Variants in RIMS2 observed in about 807,000 individuals in gnomAD.
The protein encoded by RIMS2 is regulating synaptic membrane exocytosis protein 2.
RIMS2 carries 59 observed loss-of-function variants against 174.4 expected under a neutral mutation model. That is an observed-to-expected ratio of 0.34 (90% CI 0.27 to 0.42). The LOEUF is 0.42. Among genes scored for constraint, RIMS2 ranks in the 10% least tolerant of loss-of-function variants. The pLI, the probability that RIMS2 is intolerant of heterozygous loss-of-function variation, is 1.00. For synonymous variants in RIMS2, 606 were observed against 572.5 expected (o/e 1.06, Z -0.84); for missense variants, 1,620 against 1,666.3 (o/e 0.97, Z 0.48).
At position 104,148,647 on chromosome 8, in the gene RIMS2, T is replaced by C. The variant is rs746742620; in HGVS notation, c.3335-96269T>C. The C allele has an allele frequency of 8.1e-6, 13 of 1,598,184 alleles. No homozygotes were observed. The South Asian group carries it at 9.9e-5, about 12-fold the overall frequency. ...AATGCAAAGCAGACAAATGGGCATA[T>C]CAGGGAAGAACATGACAAAAAGCAC... On this transcript the variant is annotated intron_variant, in intron 19 of 23. Coordinates refer to ENST00000504942, the Ensembl canonical transcript of RIMS2.
chr8:104,093,190 A>T (rs2097692857), intron 19 of RIMS2, among the ~76,000 whole-genome samples: 1 of 152,076 alleles, frequency 6.6e-6, no homozygotes, highest in Admixed American at 6.6e-5. Flanking sequence ...GATCTTACCT[A>T]AATGTTCTTT....
chr8:103,906,913 A>G (rs750512961), intron 4 of RIMS2, among the ~76,000 whole-genome samples: 1 of 152,142 alleles, frequency 6.6e-6, no homozygotes, highest in African/African-American at 2.4e-5. Context: ...GGTCATCTCC[A>G]TATACTCCAG....
At position 103,894,805 on chromosome 8, in the gene RIMS2, T is replaced by C. The variant is rs1393522801; in HGVS notation, c.1624+8582T>C. 2.0e-5 allele frequency among the ~76,000 whole-genome samples: 3 copies of C among 151,626 alleles called. No homozygotes were observed. In the East Asian group the frequency reaches 5.8e-4, roughly 29 times the overall value. On this transcript the variant is annotated intron_variant, in intron 4 of 23. Coordinates refer to ENST00000504942, the Ensembl canonical transcript of RIMS2. Reference sequence around the variant, plus strand: ...TTGTTGTTACTTAAGACCTACATAATAGCTTCAATTTTGCTCTTTTGCTTC... The same window carrying C: ...TTGTTGTTACTTAAGACCTACATAACAGCTTCAATTTTGCTCTTTTGCTTC...
intron 3 of RIMS2, among the ~76,000 whole-genome samples, chr8:103,779,048 C>T (rs1243291413): frequency 6.6e-6 from 1 of 152,098 alleles, no homozygotes; most frequent in African/African-American, 2.4e-5. Flanking sequence ...ATGTTTTCCT[C>T]TGAGAAATGT....
intron 3 of RIMS2, among the ~76,000 whole-genome samples, chr8:103,859,508 C>A (rs1206459346): frequency 6.6e-6 from 1 of 152,016 alleles, no homozygotes; most frequent in African/African-American, 2.4e-5. Context: ...TCTACTTAAG[C>A]AGTAAAGTTA....
intron 12 of RIMS2, among the ~76,000 whole-genome samples, chr8:103,936,349 T>C (rs1312437361): frequency 3.3e-5 from 5 of 152,192 alleles, no homozygotes; most frequent in Non-Finnish European, 5.9e-5. Context: ...AACATTGCTA[T>C]TATTGTCATA....
chr8:104,002,769 C>G (rs141792671), intron 17 of RIMS2, among the ~76,000 whole-genome samples: 27 of 152,284 alleles, frequency 1.8e-4, no homozygotes, highest in Admixed American at 9.2e-4. Flanking sequence ...ACTGGTCTCT[C>G]TACCCTGGGG....
chr8:103,710,407 A>G (rs989825655), intron 2 of RIMS2, among the ~76,000 whole-genome samples: 1 of 152,162 alleles, frequency 6.6e-6, no homozygotes, highest in Non-Finnish European at 1.5e-5. Flanking sequence ...GACATATGGA[A>G]GTACCAACAC....
At position 103,625,182 on chromosome 8, in the gene RIMS2, C is replaced by CT. The variant is rs34818635; in HGVS notation, c.177-71893dup. Among the ~76,000 whole-genome samples the CT allele has an allele frequency of 7.1e-3, 1,055 of 148,124 alleles. 10 individuals carry two copies. The highest frequency in any genetic ancestry group is 0.019 in the African/African-American group (774 of 40,582). On this transcript the variant is annotated intron_variant, in intron 1 of 23. Coordinates refer to ENST00000504942, the Ensembl canonical transcript of RIMS2. ...TGTTTATTTTGCAGTATAATGCAAC[C>CT]TTTTTTTTTTTATTATACTTTAAGT... is the stretch of plus-strand genomic sequence containing the variant.
At chr8:104,160,385 TAA>T (rs943894002) in intron 19 of RIMS2, among the ~76,000 whole-genome samples, 4 of 152,138 alleles carry the variant, frequency 2.6e-5, no homozygotes, top group African/African-American at 9.7e-5. Context: ...GAAGATAACT[TAA>T]AACTGTATTC....
intron 19 of RIMS2, among the ~76,000 whole-genome samples, chr8:104,029,192 C>T (rs1441343614): frequency 1.3e-5 from 2 of 152,126 alleles, no homozygotes; most frequent in Non-Finnish European, 2.9e-5. Context: ...AAGTCACTCT[C>T]GTTGCCATCT....
chr8:103,924,537 A>G (rs1369181111), intron 10 of RIMS2, among the ~76,000 whole-genome samples: 1 of 151,648 alleles, frequency 6.6e-6, no homozygotes, highest in African/African-American at 2.4e-5. Context: ...ATAAACCAAC[A>G]TGACAATTCC....
intron 19 of RIMS2, 108 bp downstream of exon 21, chr8:104,014,723 T>C: frequency 1.7e-6 from 1 of 585,824 alleles, no homozygotes; most frequent in East Asian, 2.8e-5. Flanking sequence ...GTTAATTGTA[T>C]GCCTTGTCTG....
At chr8:103,541,066 AAAG>A (rs1377887101) in intron 1 of RIMS2, among the ~76,000 whole-genome samples, 2 of 152,184 alleles carry the variant, frequency 1.3e-5, no homozygotes, top group Admixed American at 6.5e-5. Flanking sequence ...GAGAAGAGAG[AAAG>A]GGGCAGAAAG....
At chr8:103,792,514 A>G (rs1297046823) in intron 3 of RIMS2, among the ~76,000 whole-genome samples, 1 of 152,204 alleles carries the variant, frequency 6.6e-6, no homozygotes, top group African/African-American at 2.4e-5. Flanking sequence ...TAAAAGAACT[A>G]GAGAAACAAG....
chr8:103,766,667 A>C, intron 3 of RIMS2, 130 bp downstream of exon 6: 1 of 651,458 alleles, frequency 1.5e-6, no homozygotes. Flanking sequence ...TATGTTTTAC[A>C]TAAATACTAT....
chr8:103,606,428 G>C (rs1389985523), intron 1 of RIMS2, among the ~76,000 whole-genome samples: 1 of 151,886 alleles, frequency 6.6e-6, no homozygotes, highest in Non-Finnish European at 1.5e-5. Context: ...CAAGTATGTG[G>C]TCAATTTTGG....
intron 3 of RIMS2, among the ~76,000 whole-genome samples, chr8:103,817,668 T>C (rs1268043367): frequency 6.6e-6 from 1 of 152,112 alleles, no homozygotes; most frequent in Non-Finnish European, 1.5e-5. Flanking sequence ...TAATCCCAGC[T>C]ACTCAGGAGG....
intron 19 of RIMS2, among the ~76,000 whole-genome samples, chr8:104,079,370 T>G (rs531190793): frequency 2.6e-5 from 4 of 151,700 alleles, no homozygotes; most frequent in African/African-American, 9.7e-5. Flanking sequence ...AAATAAAAAA[T>G]AATAATAAAC....
Sources: gnomAD v4.1 joint callset for allele counts (sites outside exome capture counted in the v4.1 genomes callset) on GRCh38, gnomAD v4.1.1 for gene constraint, MANE v1.5 for transcripts, NCBI Gene and HGNC (gene_info 2026-07-23, HGNC 2026-07-21) for gene names.